The following COL19A1 variants were observed in gnomAD, a reference collection of about 807,000 sequenced individuals.
COL19A1 encodes the protein collagen type XIX alpha 1 chain, also known as collagen alpha-1(XIX) chain.
In COL19A1, 159 loss-of-function variants were observed where a neutral mutation model predicts 190.2. That is an observed-to-expected ratio of 0.84 (90% CI 0.73 to 0.95). The LOEUF (loss-of-function observed/expected upper bound fraction) is 0.95, where lower values mean the gene tolerates loss of function less well. Ranked by LOEUF, COL19A1 falls within the 40% of genes least tolerant of loss-of-function variation. The pLI, the probability that COL19A1 is intolerant of heterozygous loss-of-function variation, is 0.00. For synonymous variants in COL19A1, 509 were observed against 458.9 expected, an observed-to-expected ratio of 1.11 and a Z score of -1.39; for missense variants, 1,418 against 1,431.9, an observed-to-expected ratio of 0.99 and a Z score of 0.16.
Position 69,929,667 on chromosome 6 carries a change from T to C in COL19A1, c.633T>C (p.Ile211=), listed in dbSNP as rs749336531. Residue 211 remains isoleucine (I), a synonymous_variant, in exon 6 of 51, where the codon ATT becomes ATC. Coordinates refer to ENST00000620364, the MANE Select transcript of COL19A1 (RefSeq NM_001858.6). ...DTVDFHGRTV[I]ATRASDGKPV... is the part of the protein sequence containing the mutation. ...TGGATTTCCATGGACGGACAGTTAT[T>C]GCTACGCGAGCTTCAGATGGCAAGC... The C allele has an allele frequency of 5.0e-6, 8 of 1,613,806 alleles. No individual in the cohort carries two copies. In the South Asian group the frequency reaches 7.7e-5, roughly 16 times the overall value.
chr6:70,067,888 A>C (rs1408976934), intron 14 of COL19A1, among the ~76,000 whole-genome samples: 1 of 152,032 alleles, frequency 6.6e-6, no homozygotes, highest in Non-Finnish European at 1.5e-5. Context: ...TCTGAAAAAA[A>C]AAGAATGTTT....
chr6:70,171,024 C>G (rs1434056530), intron 40 of COL19A1, among the ~76,000 whole-genome samples: 1 of 152,170 alleles, frequency 6.6e-6, no homozygotes, highest in Non-Finnish European at 1.5e-5. Context: ...CACTTTATCT[C>G]TTTTTTAACT....
At chr6:70,140,229 T>A (rs1049971793) in intron 19 of COL19A1, among the ~76,000 whole-genome samples, 1 of 152,028 alleles carries the variant, frequency 6.6e-6, no homozygotes, top group African/African-American at 2.4e-5. Context: ...CCTATTTTTA[T>A]TTGCATATCA....
At position 70,181,611 on chromosome 6, in the gene COL19A1, C is replaced by T. The variant is rs113255130; in HGVS notation, c.2775+1088C>T. Among the ~76,000 whole-genome samples, 1,125 of 151,480 alleles carry T rather than the reference C, an allele frequency of 7.4e-3. 20 individuals carry two copies. Among genetic ancestry groups the T allele is most frequent in the African/African-American group, 0.026 (1,060 of 41,252 alleles). On this transcript the variant is annotated intron_variant, in intron 44 of 50. Transcript: ENST00000620364. ...TGCTAGGCACTGTTCTAGGTGGTAA[C>T]AACTCATAGCTTTTGCATTCTAATA...
At chr6:70,033,765 T>C (rs1395582998) in intron 12 of COL19A1, among the ~76,000 whole-genome samples, 1 of 152,206 alleles carries the variant, frequency 6.6e-6, no homozygotes, top group Non-Finnish European at 1.5e-5. Context: ...GCTCCAGTTG[T>C]ATGATAGCAA....
intron 4 of COL19A1, among the ~76,000 whole-genome samples, chr6:69,904,599 A>G (rs1770415710): frequency 6.6e-6 from 1 of 152,188 alleles, no homozygotes. Context: ...AGGGCTCTCC[A>G]CTGGGTTCCC....
chr6:69,973,511 G>A (rs1775544687), intron 11 of COL19A1, among the ~76,000 whole-genome samples: 2 of 152,090 alleles, frequency 1.3e-5, no homozygotes, highest in East Asian at 1.9e-4. Flanking sequence ...CTGACCCTGA[G>A]CATTTCTGAA....
intron 1 of COL19A1, among the ~76,000 whole-genome samples, chr6:69,877,595 CAAAATATGTAAAACT>C (rs1041790274): frequency 1.3e-5 from 2 of 151,928 alleles, no homozygotes; most frequent in African/African-American, 4.8e-5. Context: ...TCAATTAAGC[CAAAATATGTAAAACT>C]AATATTCAGA....
In COL19A1 at chr6:70,163,318, A is replaced by C. The variant is rs774772280; in HGVS notation, c.2347-25A>C. On this transcript the variant is annotated intron_variant, in intron 35 of 50. Transcript: ENST00000620364. Reference sequence around the variant, plus strand: ...TGGCCATTTAATTGTTGTTTCTGTAACAAACTTAGTTTTGTGTTTTACAGG... The same window carrying C: ...TGGCCATTTAATTGTTGTTTCTGTACCAAACTTAGTTTTGTGTTTTACAGG... The C allele has an allele frequency of 1.9e-6, 3 of 1,608,152 alleles. No individual in the cohort carries two copies. In the South Asian group the frequency reaches 3.3e-5, roughly 18 times the overall value.
intron 11 of COL19A1, among the ~76,000 whole-genome samples, chr6:70,022,805 C>A (rs180999293): frequency 8.6e-4 from 131 of 152,260 alleles, no homozygotes; most frequent in African/African-American, 3.0e-3. Flanking sequence ...ACGTCATAAT[C>A]CATTCGTTGT....
At position 70,210,260 on chromosome 6, in the gene COL19A1, A is replaced by G. The variant is rs1583175285; in HGVS notation, c.*2986A>G. 1.3e-5 allele frequency among the ~76,000 whole-genome samples: 2 copies of G among 152,184 alleles called. No individual in the cohort carries two copies. Among genetic ancestry groups the G allele is most frequent in the East Asian group, 3.8e-4 (2 of 5,202 alleles). On this transcript the variant is annotated 3_prime_UTR_variant, in exon 51 of 51. Transcript: ENST00000620364. ...AACACTTTCAGATAGAAGTCTTTCT[A>G]TGCAAAGATTAAAGTATGACTTCAA...
chr6:70,064,816 A>T (rs373577972), intron 14 of COL19A1, among the ~76,000 whole-genome samples: 1 of 152,200 alleles, frequency 6.6e-6, no homozygotes, highest in South Asian at 2.1e-4. Context: ...ACCAATAACA[A>T]ACAAACAGAG....
chr6:70,154,113 C>G (rs956224655), intron 31 of COL19A1, among the ~76,000 whole-genome samples: 4 of 149,458 alleles, frequency 2.7e-5, no homozygotes, highest in Admixed American at 6.7e-5. Context: ...CCCTACCCCC[C>G]CCAACCCCCC....
chr6:69,892,986 G>T (rs1163633524), intron 2 of COL19A1, among the ~76,000 whole-genome samples: 1 of 152,204 alleles, frequency 6.6e-6, no homozygotes, highest in Non-Finnish European at 1.5e-5. Flanking sequence ...TAGGAACCAG[G>T]AAGAGAGAAA....
Position 70,165,967 on chromosome 6 carries a change from CGGACCACCT to C in COL19A1, c.2438_2445+1del, listed in dbSNP as rs780649515. The C allele has an allele frequency of 6.2e-7, 1 of 1,613,906 alleles. No individual in the cohort carries two copies. The highest frequency in any genetic ancestry group is 8.5e-7 in the Non-Finnish European group (1 of 1,179,862). ...GCAGCGACGGACCCCCTGGGAAACCCGGACCACCTGGACCACCTGTGAGTTGTTCTAGGC... is the reference window on the plus strand; with the variant it reads ...GCAGCGACGGACCCCCTGGGAAACCCGGACCACCTGTGAGTTGTTCTAGGC... On this transcript the variant is annotated inframe_deletion, in exon 37 of 51. Coordinates refer to ENST00000620364, the MANE Select transcript of COL19A1 (RefSeq NM_001858.6).
intron 15 of COL19A1, among the ~76,000 whole-genome samples, chr6:70,076,239 A>G (rs1183611143): frequency 6.6e-6 from 1 of 152,160 alleles, no homozygotes; most frequent in Non-Finnish European, 1.5e-5. Context: ...CCCAGAAAAC[A>G]TTGGCAATTC....
chr6:70,090,054 T>C lies in COL19A1; in HGVS notation c.1225-12115T>C, dbSNP rs138664996. Among the ~76,000 whole-genome samples the C allele has an allele frequency of 2.3e-3, 349 of 152,214 alleles. 7 individuals carry two copies. Among genetic ancestry groups the C allele is most frequent in the African/African-American group, 8.0e-3 (333 of 41,538 alleles). ...TTTGCTAAGTATGGTGGCACATACC[T>C]GTAGTCCCAGCTACTTGGGAGGCTG... On this transcript the variant is annotated intron_variant, in intron 15 of 50. Transcript: ENST00000620364.
chr6:70,029,542 C>G (rs1172837716), intron 12 of COL19A1, among the ~76,000 whole-genome samples: 2 of 152,120 alleles, frequency 1.3e-5, no homozygotes, highest in Admixed American at 6.6e-5. Context: ...ATGGTGAGTG[C>G]TGTGTCCTTT....
intron 16 of COL19A1, 121 bp from the exon 17 acceptor site, chr6:70,121,759 A>G: frequency 1.6e-6 from 1 of 636,058 alleles, no homozygotes; most frequent in Non-Finnish European, 2.7e-6. Flanking sequence ...AGAATATTTG[A>G]CTAAATAGAC....
Sources: allele counts gnomAD v4.1 joint callset (sites outside exome capture counted in the v4.1 genomes callset), GRCh38; gene constraint gnomAD v4.1.1; transcripts MANE v1.5; gene names NCBI Gene and HGNC (gene_info 2026-07-23, HGNC 2026-07-21).